Variants in MAGI1 observed in about 807,000 individuals in gnomAD.
MAGI1 encodes membrane associated guanylate kinase, WW and PDZ domain containing 1.
A neutral mutation model predicts 139.9 loss-of-function variants in MAGI1; 58 were observed. The observed-to-expected ratio is 0.41, with a 90% CI of 0.34 to 0.52. The LOEUF (loss-of-function observed/expected upper bound fraction) is 0.52, where lower values mean the gene tolerates loss of function less well. MAGI1 is among the 20% of genes least tolerant of loss of function. The probability of loss-of-function intolerance (pLI) is 0.12; values close to 1 mark genes in which losing one functional copy is unlikely to be tolerated. For missense variants in MAGI1, 1,874 were observed against 1,901.6 expected (o/e 0.99, Z 0.27); for synonymous variants, 812 against 737.9 (o/e 1.10, Z -1.63).
rs568597493 is a variant in MAGI1 at position 66,016,837 on chromosome 3, C to T, written c.313+21159G>A. 4.6e-5 allele frequency among the ~76,000 whole-genome samples: 7 copies of T among 152,322 alleles called. No individual in the cohort carries two copies. The East Asian group carries it at 7.7e-4, about 17-fold the overall frequency. On this transcript the variant is annotated intron_variant, in intron 1 of 22. Coordinates refer to ENST00000402939, the MANE Select transcript of MAGI1 (RefSeq NM_001033057.2). ...CTTTAGAAGGAAGGAAATTCTGACA[C>T]GCTGCAGCGTGGATGAATCTTGAGG...
chr3:65,869,420 A>T (rs1283416862), intron 1 of MAGI1, among the ~76,000 whole-genome samples: 1 of 143,646 alleles, frequency 7.0e-6, no homozygotes, highest in African/African-American at 2.6e-5. Context: ...TTGTTGTTTG[A>T]GACAGAGTCT....
At chr3:65,871,536 A>G (rs2059939670) in intron 1 of MAGI1, among the ~76,000 whole-genome samples, 1 of 152,230 alleles carries the variant, frequency 6.6e-6, no homozygotes, top group African/African-American at 2.4e-5. Context: ...CCAGGAGGCC[A>G]GTATTACAGC....
chr3:65,535,433 A>G (rs527820990), intron 2 of MAGI1, among the ~76,000 whole-genome samples: 1 of 152,338 alleles, frequency 6.6e-6, no homozygotes, highest in East Asian at 1.9e-4. Context: ...TAGCAACAGG[A>G]AGAGGAAGAA....
chr3:65,784,776 T>C (rs2039248815), intron 1 of MAGI1, among the ~76,000 whole-genome samples: 2 of 152,016 alleles, frequency 1.3e-5, no homozygotes, highest in African/African-American at 4.8e-5. Context: ...CGGAATAATA[T>C]TTGGGAAGAA....
chr3:65,614,447 TATA>T (rs574422241), intron 2 of MAGI1, among the ~76,000 whole-genome samples: 61 of 152,278 alleles, frequency 4.0e-4, no homozygotes, highest in African/African-American at 1.4e-3. Flanking sequence ...GGAAAATGGA[TATA>T]ATAATAGCTT....
At chr3:65,773,948 C>T (rs201144430) in intron 1 of MAGI1, among the ~76,000 whole-genome samples, 3 of 151,668 alleles carry the variant, frequency 2.0e-5, no homozygotes, top group East Asian at 3.9e-4. Context: ...TTCCCGGGAA[C>T]GATATGAAGG....
intron 2 of MAGI1, among the ~76,000 whole-genome samples, chr3:65,603,658 A>C (rs924598707): frequency 1.3e-5 from 2 of 152,242 alleles, no homozygotes; most frequent in African/African-American, 4.8e-5. Flanking sequence ...AGCAGAACTA[A>C]CAAAAAGGAA....
intron 1 of MAGI1, among the ~76,000 whole-genome samples, chr3:65,648,097 A>G (rs1339158118): frequency 6.6e-6 from 1 of 152,222 alleles, no homozygotes; most frequent in Admixed American, 6.5e-5. Context: ...AGTACTAATA[A>G]GTGAATGCAG....
chr3:65,376,741 CTGAGGACAT>C (rs1942574652), intron 17 of MAGI1, among the ~76,000 whole-genome samples: 1 of 152,194 alleles, frequency 6.6e-6, no homozygotes, highest in Admixed American at 6.5e-5. Context: ...CCTATTCAGG[CTGAGGACAT>C]TGATCCAAAG....
chr3:65,606,490 G>GTA (rs2082747804), intron 2 of MAGI1, among the ~76,000 whole-genome samples: 1 of 151,034 alleles, frequency 6.6e-6, no homozygotes, highest in Non-Finnish European at 1.5e-5. Context: ...ACAGGTGTAT[G>GTA]CCACCACACC....
intron 1 of MAGI1, among the ~76,000 whole-genome samples, chr3:65,694,687 G>A (rs73129881): frequency 0.14 from 21,737 of 152,176 alleles, 2,521 homozygotes; most frequent in East Asian, 0.43. Flanking sequence ...TAGTGCCCAG[G>A]TATTTCCACC....
At chr3:65,509,931 T>C (rs1346393264) in intron 2 of MAGI1, among the ~76,000 whole-genome samples, 1 of 152,066 alleles carries the variant, frequency 6.6e-6, no homozygotes, top group African/African-American at 2.4e-5. Context: ...AGAGGAGTGG[T>C]TCTCCCAGCA....
intron 1 of MAGI1, among the ~76,000 whole-genome samples, chr3:65,786,451 C>CA (rs1242723050): frequency 1.3e-5 from 2 of 151,818 alleles, no homozygotes; most frequent in African/African-American, 4.8e-5. Flanking sequence ...GGTCTACAGG[C>CA]ATGCGCCACC....
At chr3:65,886,043 A>G (rs969525216) in intron 1 of MAGI1, among the ~76,000 whole-genome samples, 3 of 152,224 alleles carry the variant, frequency 2.0e-5, no homozygotes, top group Non-Finnish European at 4.4e-5. Flanking sequence ...TATGCAAACA[A>G]GTATAACTGA....
At chr3:65,573,574 A>G (rs2081052317) in intron 2 of MAGI1, among the ~76,000 whole-genome samples, 2 of 152,038 alleles carry the variant, frequency 1.3e-5, no homozygotes, top group South Asian at 2.1e-4. Context: ...TAATCTATAA[A>G]TGGCAAAGAA....
rs200362151 is a variant in MAGI1 at position 65,803,905 on chromosome 3, A to T, written c.314-181817T>A. ...TTTTGCATATGACAAAAGATCTCAC[A>T]CCTCCTCTAACTCAGAAACAATAAC... On this transcript the variant is annotated intron_variant, in intron 1 of 22. Coordinates refer to ENST00000402939, the MANE Select transcript of MAGI1 (RefSeq NM_001033057.2). 9.9e-5 allele frequency among the ~76,000 whole-genome samples: 15 copies of T among 152,252 alleles called. No homozygotes were observed. The East Asian group carries it at 2.7e-3, about 27-fold the overall frequency.
chr3:65,887,861 G>A (rs1050359549), intron 1 of MAGI1, among the ~76,000 whole-genome samples: 2 of 152,050 alleles, frequency 1.3e-5, no homozygotes, highest in Non-Finnish European at 2.9e-5. Flanking sequence ...CCACACAAGA[G>A]AACAGCATAG....
At chr3:65,695,961 C>G (rs1450955469) in intron 1 of MAGI1, among the ~76,000 whole-genome samples, 1 of 152,130 alleles carries the variant, frequency 6.6e-6, no homozygotes. Context: ...CCAGAATGAC[C>G]CTCCCAAAGG....
chr3:65,421,695 G>A (rs1946639755), intron 12 of MAGI1, among the ~76,000 whole-genome samples: 1 of 152,158 alleles, frequency 6.6e-6, no homozygotes, highest in East Asian at 1.9e-4. Context: ...AATAACATCA[G>A]TCTAGTATAA....
Sources: gnomAD v4.1 joint callset for allele counts (sites outside exome capture counted in the v4.1 genomes callset) on GRCh38, gnomAD v4.1.1 for gene constraint, MANE v1.5 for transcripts, NCBI Gene and HGNC (gene_info 2026-07-23, HGNC 2026-07-21) for gene names.